Variants in TIAM1 observed in about 807,000 individuals in gnomAD.
The protein encoded by TIAM1 is rho guanine nucleotide exchange factor TIAM1.
TIAM1 carries 65 observed loss-of-function variants against 163.5 expected under a neutral mutation model. That is an observed-to-expected ratio of 0.40 (90% confidence interval 0.33 to 0.49). TIAM1 has a LOEUF of 0.49. TIAM1 is among the 20% of genes least tolerant of loss of function. The pLI, the probability that TIAM1 is intolerant of heterozygous loss-of-function variation, is 0.77. For synonymous variants in TIAM1, 833 were observed against 810.1 expected (o/e 1.03, Z -0.48); for missense variants, 1,789 against 2,044.7 (o/e 0.87, Z 2.41).
intron 2 of TIAM1, among the ~76,000 whole-genome samples, chr21:31,305,226 T>C (rs1188390975): frequency 6.6e-6 from 1 of 152,170 alleles, no homozygotes; most frequent in East Asian, 1.9e-4. Context: ...ATGTTTTAAA[T>C]TAAATTTGGA....
Position 31,534,268 on chromosome 21 carries a change from A to G in TIAM1, c.-422+24659T>C, listed in dbSNP as rs184519686. Among the ~76,000 whole-genome samples, 36 of 152,360 alleles carry G rather than the reference A, an allele frequency of 2.4e-4. No individual in the cohort carries two copies. The Middle Eastern group carries it at 0.01, about 43-fold the overall frequency. ...CTTCTATGGATCTCCATGCCTTATT[A>G]AAAAGTCATTAAATCCAGTGCCTAC... On this transcript the variant is annotated intron_variant, in intron 1 of 28. Coordinates refer to the TIAM1 transcript ENST00000286827.
At chr21:31,187,123 C>T (rs767496945) in intron 13 of TIAM1, 36 bp from the exon 14 acceptor site, 2 of 1,593,258 alleles carry the variant, frequency 1.3e-6, no homozygotes, top group Non-Finnish European at 1.7e-6. Context: ...GCAGGGCTCA[C>T]ACCTTCTGAA....
At chr21:31,246,365 T>C (rs138464951) in intron 5 of TIAM1, among the ~76,000 whole-genome samples, 193 of 152,300 alleles carry the variant, frequency 1.3e-3, no homozygotes, top group African/African-American at 4.5e-3. Flanking sequence ...AGCAACAGAA[T>C]ATTTTATAGA....
At chr21:31,186,913 C>G in intron 14 of TIAM1, 88 bp downstream of exon 14, 1 of 1,089,014 alleles carries the variant, frequency 9.2e-7, no homozygotes, top group Middle Eastern at 2.0e-4. Flanking sequence ...ACAAATGAAT[C>G]CTTTGGGCAT....
chr21:31,279,536 T>C (rs1375126607), intron 2 of TIAM1, among the ~76,000 whole-genome samples: 1 of 152,198 alleles, frequency 6.6e-6, no homozygotes, highest in Non-Finnish European at 1.5e-5. Flanking sequence ...GCTGCACGCA[T>C]CCGGTCATAT....
In TIAM1 at chr21:31,164,232, T is replaced by G. The variant is rs141840060; in HGVS notation, c.2991+730A>C. Among the ~76,000 whole-genome samples the G allele has an allele frequency of 3.7e-3, 559 of 152,008 alleles. 4 individuals are homozygous for G. The highest frequency in any genetic ancestry group is 0.013 in the African/African-American group (545 of 41,482). ...GGTGAAACCCTGTCTCTACTAAAAA[T>G]ACAAAAAATTAGCAGGGCGTGGTGG... On this transcript the variant is annotated intron_variant, in intron 16 of 27. Coordinates refer to ENST00000541036, the MANE Select transcript of TIAM1 (RefSeq NM_001353694.2).
chr21:31,252,185 A>C lies in TIAM1; in HGVS notation c.968T>G (p.Val323Gly). ...AAACTCACTGCCCTCGCCTGCATTAACATCCTTGGGAGCAGAAAGAGAGAG... is the reference window on the plus strand; with the variant it reads ...AAACTCACTGCCCTCGCCTGCATTACCATCCTTGGGAGCAGAAAGAGAGAG... ...QGRRAKTTQDVNAGEGSEFAD... is the reference protein window; with the variant it reads ...QGRRAKTTQDGNAGEGSEFAD... The change falls in exon 5 of 28, where the codon GTT becomes GGT. Residue 323 changes from valine to glycine, a missense_variant. By Grantham distance (109) the Val-to-Gly change is moderately radical. Transcript: ENST00000541036. 6.2e-7 allele frequency: 1 copy of C among 1,602,962 alleles called. No individual in the cohort carries two copies.
chr21:31,199,623 C>T (rs1422037307), intron 12 of TIAM1, among the ~76,000 whole-genome samples: 1 of 151,904 alleles, frequency 6.6e-6, no homozygotes, highest in African/African-American at 2.4e-5. Flanking sequence ...CTCCGCCTCC[C>T]GGGTTCAAGC....
chr21:31,459,075 A>G (rs904214324), intron 2 of TIAM1, among the ~76,000 whole-genome samples: 1 of 152,134 alleles, frequency 6.6e-6, no homozygotes, highest in African/African-American at 2.4e-5. Context: ...ATGGGAAGCC[A>G]TTGGAAGTTC....
upstream of TIAM1, among the ~76,000 whole-genome samples, chr21:31,344,490 T>TC (rs1222119871): frequency 6.6e-6 from 1 of 152,196 alleles, no homozygotes; most frequent in Non-Finnish European, 1.5e-5. Context: ...ATGAACCTGG[T>TC]CACCCTGCAC....
intron 4 of TIAM1, among the ~76,000 whole-genome samples, chr21:31,260,464 C>G (rs1164882495): frequency 6.6e-6 from 1 of 151,288 alleles, no homozygotes; most frequent in Non-Finnish European, 1.5e-5. Flanking sequence ...GTCTCGAACT[C>G]CTGACCTGAA....
chr21:31,449,353 T>C (rs1251091939), intron 2 of TIAM1, among the ~76,000 whole-genome samples: 1 of 151,902 alleles, frequency 6.6e-6, no homozygotes, highest in African/African-American at 2.4e-5. Flanking sequence ...AAAACAGTCA[T>C]AGTTCTTTTT....
At chr21:31,319,375 T>G (rs1198586854) in intron 2 of TIAM1, among the ~76,000 whole-genome samples, 1 of 152,194 alleles carries the variant, frequency 6.6e-6, no homozygotes, top group East Asian at 1.9e-4. Context: ...GAGGAAGCAG[T>G]AAATTCTTTT....
intron 12 of TIAM1, among the ~76,000 whole-genome samples, chr21:31,198,230 A>G (rs1349895695): frequency 6.6e-6 from 1 of 152,192 alleles, no homozygotes; most frequent in Non-Finnish European, 1.5e-5. Flanking sequence ...AAGAGTGGCC[A>G]GTTTCTTCTC....
intron 2 of TIAM1, among the ~76,000 whole-genome samples, chr21:31,402,667 C>T (rs906932289): frequency 2.0e-5 from 3 of 152,190 alleles, no homozygotes; most frequent in Non-Finnish European, 4.4e-5. Context: ...GACTAAAGGC[C>T]GGGCGTGGTG....
chr21:31,521,745 A>AACACACACACACACACACACACAC (rs35006738), intron 1 of TIAM1, among the ~76,000 whole-genome samples: 138 of 146,966 alleles, frequency 9.4e-4, no homozygotes, highest in Non-Finnish European at 1.1e-3. Context: ...CTCACACACA[A>AACACACACACACACACACACACAC]ACACACACAC....
chr21:31,243,581 T>G (rs748746452), intron 6 of TIAM1, among the ~76,000 whole-genome samples: 1 of 152,108 alleles, frequency 6.6e-6, no homozygotes. Context: ...CCCATAAATA[T>G]ATACACATTG....
chr21:31,339,734 A>G (rs936977528), intron 1 of TIAM1, among the ~76,000 whole-genome samples: 6 of 152,182 alleles, frequency 3.9e-5, no homozygotes, highest in Admixed American at 1.3e-4. Flanking sequence ...AGGAAGCTCT[A>G]CGATTCAGTA....
rs758707937 is a variant in TIAM1 at position 31,361,874 on chromosome 21, TAGATAGAC to T, written c.-368-22460_-368-22453del. Among the ~76,000 whole-genome samples the T allele has an allele frequency of 7.6e-3, 1,148 of 151,396 alleles. 11 individuals carry two copies. The highest frequency in any genetic ancestry group is 0.019 in the East Asian group (98 of 5,026). On this transcript the variant is annotated intron_variant, in intron 2 of 28. Transcript: ENST00000286827. Reference sequence around the variant, plus strand: ...ATAGATAGATAGATAGATAGATAGATAGATAGACAGACATGTGTATACATTTGGTATGT... The same window carrying T: ...ATAGATAGATAGATAGATAGATAGATAGACATGTGTATACATTTGGTATGT...
Sources: allele counts gnomAD v4.1 joint callset (sites outside exome capture counted in the v4.1 genomes callset), GRCh38; gene constraint gnomAD v4.1.1; transcripts MANE v1.5; gene names NCBI Gene and HGNC (gene_info 2026-07-23, HGNC 2026-07-21).